Variants in BRDT observed in about 807,000 individuals in gnomAD.
BRDT encodes bromodomain testis associated, also known as bromodomain testis-specific protein.
Under a neutral mutation model 113.9 loss-of-function variants are expected in BRDT, and 77 were observed. The ratio of observed to expected loss-of-function variants is 0.68; its 90% CI spans 0.56 to 0.82. The LOEUF (loss-of-function observed/expected upper bound fraction) is 0.82, where lower values mean the gene tolerates loss of function less well. Ranked by LOEUF, BRDT falls within the 40% of genes least tolerant of loss-of-function variation. The pLI is 0.00. For synonymous variants in BRDT, 358 were observed against 366.5 expected, an observed-to-expected ratio of 0.98 and a Z score of 0.26; for missense variants, 1,027 against 1,105.4, an observed-to-expected ratio of 0.93 and a Z score of 1.01.
intron 18 of BRDT, among the ~76,000 whole-genome samples, chr1:92,007,266 C>T (rs1264422189): frequency 6.6e-6 from 1 of 151,708 alleles, no homozygotes; most frequent in African/African-American, 2.4e-5. Flanking sequence ...TTCTGGGGTA[C>T]ATGTGAAGGT....
At chr1:91,995,147 C>T (rs17131590) in intron 15 of BRDT, among the ~76,000 whole-genome samples, 10,172 of 151,974 alleles carry the variant, frequency 0.067, 400 homozygotes, top group African/African-American at 0.096. Flanking sequence ...ACTTCTGATA[C>T]GAGTTTAGCC....
At chr1:91,976,959 C>A in intron 5 of BRDT, 84 bp from the exon 6 acceptor site, 1 of 1,071,466 alleles carries the variant, frequency 9.3e-7, no homozygotes, top group Non-Finnish European at 1.3e-6. Flanking sequence ...AATAATCTTT[C>A]CCTTTTTTTC....
chr1:91,954,059 C>T (rs989509617), intron 1 of BRDT, among the ~76,000 whole-genome samples: 1 of 152,064 alleles, frequency 6.6e-6, no homozygotes, highest in Admixed American at 6.6e-5. Flanking sequence ...GCAACCTCCC[C>T]CTCCGGGATT....
intron 6 of BRDT, 120 bp downstream of exon 6, chr1:91,977,513 T>C: frequency 1.2e-6 from 1 of 850,222 alleles, no homozygotes; most frequent in Non-Finnish European, 1.8e-6. Context: ...CAAGTCACAC[T>C]ATCTGGAGTG....
chr1:92,003,463 T>C (rs1570636643), intron 16 of BRDT, among the ~76,000 whole-genome samples: 1 of 152,220 alleles, frequency 6.6e-6, no homozygotes, highest in East Asian at 1.9e-4. Context: ...TCTAGACTTG[T>C]GCTTATCTAA....
chr1:91,961,494 T>C (rs1682437745), intron 1 of BRDT, among the ~76,000 whole-genome samples: 1 of 151,932 alleles, frequency 6.6e-6, no homozygotes, highest in Non-Finnish European at 1.5e-5. Flanking sequence ...AGCTGCATGG[T>C]GTCATGCATC....
chr1:91,968,850 A>T (rs72954715), intron 4 of BRDT, among the ~76,000 whole-genome samples: 1 of 152,198 alleles, frequency 6.6e-6, no homozygotes, highest in Non-Finnish European at 1.5e-5. Context: ...TCACTTAAGC[A>T]GTGTAATCTT....
chr1:91,963,380 G>A (rs1682705880), intron 2 of BRDT, among the ~76,000 whole-genome samples: 2 of 152,172 alleles, frequency 1.3e-5, no homozygotes, highest in Admixed American at 1.3e-4. Context: ...CTATCCCAAT[G>A]AGTATTTTTT....
chr1:91,981,543 C>T, intron 11 of BRDT, 75 bp from the exon 12 acceptor site: 2 of 1,585,040 alleles, frequency 1.3e-6, no homozygotes, highest in Non-Finnish European at 1.7e-6. Context: ...CATGCCCAGC[C>T]TAGGTGGCAG....
intron 7 of BRDT, 59 bp from the exon 8 acceptor site, chr1:91,979,510 T>G (rs1192737969): frequency 6.7e-7 from 1 of 1,492,182 alleles, no homozygotes; most frequent in Non-Finnish European, 9.2e-7. Flanking sequence ...TTAAAAGCTG[T>G]GATTGCTGGA....
chr1:91,986,227 A>G (rs1042423305), intron 12 of BRDT, among the ~76,000 whole-genome samples: 7 of 152,310 alleles, frequency 4.6e-5, no homozygotes, highest in Admixed American at 2.6e-4. Flanking sequence ...AGCTATTGAG[A>G]GTTTTCTAAT....
intron 12 of BRDT, among the ~76,000 whole-genome samples, chr1:91,986,752 A>AT (rs1026108548): frequency 1.3e-5 from 2 of 152,064 alleles, no homozygotes; most frequent in South Asian, 2.1e-4. Context: ...CAAGGATATG[A>AT]TTTTTTTCAT....
intron 1 of BRDT, among the ~76,000 whole-genome samples, chr1:91,953,595 G>A (rs888164009): frequency 2.0e-5 from 3 of 152,124 alleles, no homozygotes; most frequent in African/African-American, 7.2e-5. Flanking sequence ...CAGGAGAATC[G>A]CTTGAACCTG....
rs143813489 is a variant in BRDT at position 91,952,538 on chromosome 1, T to G, written c.-38+2856T>G. ...AAAGATTGAGGCCATAAGAAAATGA[T>G]AGGATTAAGGGAAGAATTTTAAAGG... On this transcript the variant is annotated intron_variant, in intron 1 of 18. Coordinates refer to ENST00000399546, the MANE Select transcript of BRDT (RefSeq NM_207189.4). 5.7e-5 allele frequency among the ~76,000 whole-genome samples: 7 copies of G among 122,408 alleles called. No homozygotes were observed. The East Asian group carries it at 1.7e-3, about 30-fold the overall frequency. 80.3% of individuals were successfully genotyped at this position (122,408 alleles called of 152,430 possible).
intron 1 of BRDT, among the ~76,000 whole-genome samples, chr1:91,951,735 C>T (rs749699827): frequency 1.3e-5 from 2 of 152,078 alleles, no homozygotes; most frequent in Admixed American, 6.5e-5. Flanking sequence ...GATCACACCA[C>T]TGCACTCCAG....
intron 4 of BRDT, among the ~76,000 whole-genome samples, chr1:91,971,369 C>T (rs970475944): frequency 6.6e-6 from 1 of 152,108 alleles, no homozygotes; most frequent in African/African-American, 2.4e-5. Context: ...TATGTTTGAC[C>T]TCAAAGAATA....
intron 4 of BRDT, 78 bp from the exon 5 acceptor site, chr1:91,976,188 G>A: frequency 7.3e-7 from 1 of 1,373,664 alleles, no homozygotes; most frequent in South Asian, 1.6e-5. Flanking sequence ...TGAACTAAAT[G>A]AAATAGAAAA....
At chr1:92,008,722 C>T (rs1299327051) in intron 18 of BRDT, among the ~76,000 whole-genome samples, 1 of 152,218 alleles carries the variant, frequency 6.6e-6, no homozygotes, top group African/African-American at 2.4e-5. Flanking sequence ...ACAGGTTTAT[C>T]TTGTCCAGAA....
At chr1:91,986,903 G>T (rs1050880350) in intron 12 of BRDT, among the ~76,000 whole-genome samples, 2 of 151,564 alleles carry the variant, frequency 1.3e-5, no homozygotes, top group African/African-American at 4.8e-5. Flanking sequence ...AAAGGTACAT[G>T]ACTAGAGTTT....
Sources: gnomAD v4.1 joint callset for allele counts (sites outside exome capture counted in the v4.1 genomes callset) on GRCh38, gnomAD v4.1.1 for gene constraint, MANE v1.5 for transcripts, NCBI Gene and HGNC (gene_info 2026-07-23, HGNC 2026-07-21) for gene names.